Variants in CSGALNACT2 observed in about 807,000 individuals in gnomAD.
CSGALNACT2 encodes the protein beta 4 GalNAcT-2.
Under a neutral mutation model 55.3 loss-of-function variants are expected in CSGALNACT2, and 35 were observed. The observed-to-expected ratio is 0.63, with a 90% CI of 0.48 to 0.84. The LOEUF is 0.84. Ranked by LOEUF, CSGALNACT2 falls within the 40% of genes least tolerant of loss-of-function variation. The probability of loss-of-function intolerance (pLI) is 0.00; values close to 1 mark genes in which losing one functional copy is unlikely to be tolerated. For synonymous variants in CSGALNACT2, 196 were observed against 224.9 expected, an observed-to-expected ratio of 0.87 and a Z score of 1.15; for missense variants, 544 against 657.5, an observed-to-expected ratio of 0.83 and a Z score of 1.89.
intron 3 of CSGALNACT2, 96 bp from the exon 4 acceptor site, chr10:43,160,398 T>A: frequency 1.5e-6 from 1 of 670,572 alleles, no homozygotes; most frequent in East Asian, 2.6e-5. Flanking sequence ...GTGTCAGTAA[T>A]GCCTCATTTT....
chr10:43,175,166 C>T (rs975824880), intron 6 of CSGALNACT2, among the ~76,000 whole-genome samples: 2 of 152,178 alleles, frequency 1.3e-5, no homozygotes, highest in Non-Finnish European at 2.9e-5. Context: ...CCATACAGTT[C>T]TGCTGCAACT....
At chr10:43,162,687 C>T in intron 4 of CSGALNACT2, 2 of 985,214 alleles carry the variant, frequency 2.0e-6, no homozygotes, top group Non-Finnish European at 2.4e-6. Flanking sequence ...TTAGGCTGCA[C>T]CCTAGTGCAG....
At chr10:43,152,737 T>C (rs1225114860) in intron 1 of CSGALNACT2, among the ~76,000 whole-genome samples, 1 of 152,212 alleles carries the variant, frequency 6.6e-6, no homozygotes, top group Non-Finnish European at 1.5e-5. Context: ...GTTTTGAGTA[T>C]AACATGCTTA....
intron 4 of CSGALNACT2, chr10:43,163,101 T>C: frequency 1.0e-6 from 1 of 985,402 alleles, no homozygotes; most frequent in Non-Finnish European, 1.2e-6. Flanking sequence ...CTTACCTCTT[T>C]GCCTTTGAGA....
In CSGALNACT2 at chr10:43,155,106, C is replaced by T. The variant is rs748047416; in HGVS notation, c.-44C>T. On this transcript the variant is annotated 5_prime_UTR_variant, in exon 2 of 8. Transcript: ENST00000374466. ...GATAACTTTTTACTAAAGGTATGAA[C>T]ACACAAAGAGCTTATTTTGTTAGGC... The T allele has an allele frequency of 1.4e-6, 2 of 1,455,696 alleles. No individual in the cohort carries two copies. Among genetic ancestry groups the T allele is most frequent in the East Asian group, 2.3e-5 (1 of 43,656 alleles). 90.2% of individuals were successfully genotyped at this position (1,455,696 alleles called of 1,614,324 possible).
chr10:43,151,018 A>C (rs1838863864), intron 1 of CSGALNACT2, among the ~76,000 whole-genome samples: 1 of 152,172 alleles, frequency 6.6e-6, no homozygotes, highest in Non-Finnish European at 1.5e-5. Flanking sequence ...CAGACACTGA[A>C]ATTTTCATCT....
chr10:43,176,012 G>A lies in CSGALNACT2; in HGVS notation c.1316G>A (p.Arg439His), dbSNP rs776815858. ...GGCTTTGGAATGACTTGTCAGTATC[G>A]TTCAGATTTCCTGACCATTGGTAAG... is the stretch of plus-strand genomic sequence containing the variant. ...DFGFGMTCQY[R>H]SDFLTIGGFD... The change falls in exon 7 of 8, where the codon CGT becomes CAT. Residue 439 changes from arginine (R) to histidine (H), a missense_variant. Around this residue, in one of 2 missense-constraint regions of CSGALNACT2, gnomAD observed 170 missense variants for 256.2 expected, o/e 0.66. Transcript: ENST00000374466. The A allele has an allele frequency of 5.0e-6, 8 of 1,608,160 alleles. No homozygotes were observed. The highest frequency in any genetic ancestry group is 2.2e-5 in the East Asian group (1 of 44,746).
At chr10:43,163,644 G>C (rs1402937769) in intron 4 of CSGALNACT2, 1 of 985,234 alleles carries the variant, frequency 1.0e-6, no homozygotes, top group East Asian at 1.1e-4. Flanking sequence ...CACTTTTGGA[G>C]CCTCATACCA....
At chr10:43,175,526 G>A (rs979959100) in intron 6 of CSGALNACT2, among the ~76,000 whole-genome samples, 2 of 152,130 alleles carry the variant, frequency 1.3e-5, no homozygotes, top group Non-Finnish European at 2.9e-5. Flanking sequence ...CGAATCTACT[G>A]GTGACAGCAG....
intron 4 of CSGALNACT2, chr10:43,162,923 C>T (rs1588904143): frequency 1.0e-6 from 1 of 985,426 alleles, no homozygotes; most frequent in East Asian, 1.1e-4. Flanking sequence ...CTTTAGGATA[C>T]TGACCAATTT....
chr10:43,180,098 A>G (rs989455944), intron 7 of CSGALNACT2, among the ~76,000 whole-genome samples: 1 of 152,186 alleles, frequency 6.6e-6, no homozygotes, highest in Non-Finnish European at 1.5e-5. Context: ...GACCCCCAGT[A>G]TTCTCAGCTG....
intron 4 of CSGALNACT2, chr10:43,162,593 C>T (rs1159023641): frequency 4.1e-6 from 4 of 985,218 alleles, no homozygotes; most frequent in Non-Finnish European, 4.8e-6. Context: ...CCACTCCATG[C>T]ACTATTTGAG....
intron 1 of CSGALNACT2, among the ~76,000 whole-genome samples, chr10:43,140,296 A>G (rs573644027): frequency 6.6e-6 from 1 of 152,352 alleles, no homozygotes; most frequent in East Asian, 1.9e-4. Context: ...GCAGAAAATT[A>G]CCAACATGGA....
rs577045367 is a variant in CSGALNACT2 at position 43,180,445 on chromosome 10, T to C, written c.1337-2805T>C. On this transcript the variant is annotated intron_variant, in intron 7 of 7. Transcript: ENST00000374466. ...TTTATTTCGCAGTGTTTTTGATCTCTAGCATTTTTTTAAATTCCTTAGATC... is the reference window on the plus strand; with the variant it reads ...TTTATTTCGCAGTGTTTTTGATCTCCAGCATTTTTTTAAATTCCTTAGATC... 3.9e-5 allele frequency among the ~76,000 whole-genome samples: 6 copies of C among 152,372 alleles called. No individual in the cohort carries two copies. The East Asian group carries it at 1.2e-3, about 29-fold the overall frequency.
At chr10:43,143,499 G>A (rs1358493550) in intron 1 of CSGALNACT2, among the ~76,000 whole-genome samples, 3 of 123,136 alleles carry the variant, frequency 2.4e-5, no homozygotes, top group African/African-American at 1.0e-4. Flanking sequence ...AAAAATGTGT[G>A]TGTGTGTGTG....
intron 6 of CSGALNACT2, among the ~76,000 whole-genome samples, chr10:43,173,122 G>C (rs552767748): frequency 2.6e-5 from 4 of 152,356 alleles, no homozygotes; most frequent in Non-Finnish European, 5.9e-5. Flanking sequence ...TTTCACAGTA[G>C]ACAAGGGGAG....
chr10:43,156,316 A>G (rs1419890795), intron 2 of CSGALNACT2, among the ~76,000 whole-genome samples: 1 of 152,250 alleles, frequency 6.6e-6, no homozygotes, highest in Non-Finnish European at 1.5e-5. Flanking sequence ...AAAAGTAAGG[A>G]AATACCTGTT....
In CSGALNACT2 at chr10:43,163,855, T is replaced by C; in HGVS notation, c.981-11T>C. 2 of 1,605,862 alleles carry C rather than the reference T, an allele frequency of 1.2e-6. No individual in the cohort carries two copies. Among genetic ancestry groups the C allele is most frequent in the South Asian group, 1.1e-5 (1 of 90,278 alleles). ...GGGACTTATCATTTGTTGTGTGTGC[T>C]TTCCTCATAGTGAGTCTAATTTTCA... On this transcript the variant is annotated splice_polypyrimidine_tract_variant and intron_variant, in intron 4 of 7. Transcript: ENST00000374466.
chr10:43,155,704 A>T lies in CSGALNACT2; in HGVS notation c.555A>T (p.Glu185Asp), dbSNP rs772646440. Reference sequence around the variant, plus strand: ...GAGATGAATTGGTGGAAGTTATTGAAGCGGGCTTGGAGGTCATTAATAATC... The same window carrying T: ...GAGATGAATTGGTGGAAGTTATTGATGCGGGCTTGGAGGTCATTAATAATC... ...DKRDELVEVI[E>D]AGLEVINNPD... The change falls in exon 2 of 8, where the codon GAA becomes GAT. Residue 185 changes from glutamate to aspartate, a missense_variant. Transcript: ENST00000374466. 2.5e-6 allele frequency: 4 copies of T among 1,614,114 alleles called. No individual in the cohort carries two copies. The Admixed American group carries it at 6.7e-5, about 27-fold the overall frequency.
Sources: allele counts gnomAD v4.1 joint callset (sites outside exome capture counted in the v4.1 genomes callset), GRCh38; gene constraint gnomAD v4.1.1; regional missense constraint gnomAD v4.1.1; transcripts MANE v1.5; gene names NCBI Gene and HGNC (gene_info 2026-07-23, HGNC 2026-07-21).